Variants in IKZF2 observed in about 807,000 individuals in gnomAD.
IKZF2 encodes IKAROS family zinc finger 2.
Under a neutral mutation model 49.2 loss-of-function variants are expected in IKZF2, and 15 were observed. The observed-to-expected ratio is 0.30, with a 90% CI of 0.20 to 0.47. The LOEUF is 0.47. IKZF2 is among the 20% of genes least tolerant of loss of function. The probability of loss-of-function intolerance (pLI) is 1.00; values close to 1 mark genes in which losing one functional copy is unlikely to be tolerated. For missense variants in IKZF2, 567 were observed against 664.6 expected, an observed-to-expected ratio of 0.85 and a Z score of 1.61; for synonymous variants, 227 against 221.4, an observed-to-expected ratio of 1.03 and a Z score of -0.23.
chr2:213,061,953 A>G (rs2125418185), intron 4 of IKZF2, among the ~76,000 whole-genome samples: 1 of 151,616 alleles, frequency 6.6e-6, no homozygotes, highest in East Asian at 1.9e-4. Flanking sequence ...ACTACTTTTT[A>G]TGCTATAACT....
At chr2:213,036,043 T>A (rs535908579) in intron 6 of IKZF2, among the ~76,000 whole-genome samples, 1 of 152,252 alleles carries the variant, frequency 6.6e-6, no homozygotes, top group East Asian at 1.9e-4. Context: ...TAAAGTACTC[T>A]CACAAATATA....
chr2:213,149,016 T>C (rs2061177624), intron 2 of IKZF2, among the ~76,000 whole-genome samples: 1 of 152,178 alleles, frequency 6.6e-6, no homozygotes, highest in African/African-American at 2.4e-5. Flanking sequence ...CACACTGCAG[T>C]TTGAGGACTT....
At chr2:213,075,381 T>C (rs1427521114) in intron 4 of IKZF2, among the ~76,000 whole-genome samples, 2 of 152,120 alleles carry the variant, frequency 1.3e-5, no homozygotes, top group Non-Finnish European at 2.9e-5. Context: ...GTTTTTGCCA[T>C]AATATTTAAA....
At chr2:213,085,301 C>A (rs181275883) in intron 4 of IKZF2, among the ~76,000 whole-genome samples, 46 of 152,162 alleles carry the variant, frequency 3.0e-4, no homozygotes, top group African/African-American at 1.0e-3. Flanking sequence ...AACAAAAAGC[C>A]TTTTGGACAC....
At chr2:213,151,832 T>G (rs1277185572), upstream of IKZF2, among the ~76,000 whole-genome samples, 1 of 148,884 alleles carries the variant, frequency 6.7e-6, no homozygotes, top group Non-Finnish European at 1.5e-5. Flanking sequence ...CGAGCGCCTG[T>G]GCGTGTGTGT....
intron 6 of IKZF2, among the ~76,000 whole-genome samples, chr2:213,038,567 T>C (rs544215166): frequency 4.1e-4 from 61 of 149,614 alleles, no homozygotes; most frequent in African/African-American, 1.4e-3. Context: ...TATGTACTTT[T>C]TTTCTGGAAG....
intron 4 of IKZF2, among the ~76,000 whole-genome samples, chr2:213,137,866 T>C (rs185593535): frequency 6.6e-5 from 10 of 152,186 alleles, no homozygotes; most frequent in African/African-American, 2.2e-4. Flanking sequence ...CACAGCAACG[T>C]AGTACCCTAG....
chr2:213,040,441 C>T (rs1303613887), intron 6 of IKZF2, among the ~76,000 whole-genome samples: 1 of 151,926 alleles, frequency 6.6e-6, no homozygotes. Context: ...ATGTTTAACA[C>T]ACATATATGT....
intron 4 of IKZF2, among the ~76,000 whole-genome samples, chr2:213,095,531 C>T (rs1222147776): frequency 6.6e-6 from 1 of 151,948 alleles, no homozygotes; most frequent in Non-Finnish European, 1.5e-5. Context: ...TATCTAGACA[C>T]TGAAAAGAGT....
intron 6 of IKZF2, among the ~76,000 whole-genome samples, chr2:213,036,404 A>G (rs1402381734): frequency 6.6e-6 from 1 of 152,120 alleles, no homozygotes; most frequent in Non-Finnish European, 1.5e-5. Context: ...TATTAAATAT[A>G]CCCATAATTT....
At chr2:213,056,176 A>G (rs1356553939) in intron 5 of IKZF2, among the ~76,000 whole-genome samples, 3 of 152,186 alleles carry the variant, frequency 2.0e-5, no homozygotes, top group African/African-American at 7.2e-5. Flanking sequence ...GTTTAAAAAT[A>G]TAGTATGAAT....
intron 6 of IKZF2, among the ~76,000 whole-genome samples, chr2:213,049,244 A>G (rs1485848732): frequency 6.6e-6 from 1 of 152,030 alleles, no homozygotes; most frequent in Non-Finnish European, 1.5e-5. Flanking sequence ...CGAAAAGCCA[A>G]TTTTCTGAGT....
chr2:213,145,237 T>C (rs988648299), intron 4 of IKZF2, among the ~76,000 whole-genome samples: 1 of 151,844 alleles, frequency 6.6e-6, no homozygotes, highest in African/African-American at 2.4e-5. Flanking sequence ...TTTTTCCTCC[T>C]TACACATATA....
chr2:213,089,007 T>C (rs1205388104), intron 4 of IKZF2, among the ~76,000 whole-genome samples: 2 of 152,192 alleles, frequency 1.3e-5, no homozygotes, highest in African/African-American at 4.8e-5. Context: ...ATTGCACTAC[T>C]CTGCAGGAGC....
chr2:213,007,824 C>G lies in IKZF2; in HGVS notation c.1117G>C (p.Ala373Pro). Residue 373 changes from alanine to proline, a missense_variant, in exon 9 of 9, where the codon GCT (alanine) becomes CCT (proline). By Grantham distance (27) the Ala-to-Pro change is conservative (BLOSUM62 -1). Transcript: ENST00000434687. Reference sequence around the variant, plus strand: ...TCCATGTTGTTTTCATGACTATCAGCAGTTTCCCTGCTAATGGGTCTTTCT... The same window carrying G: ...TCCATGTTGTTTTCATGACTATCAGGAGTTTCCCTGCTAATGGGTCTTTCT... Reference protein sequence around the residue: ...RIERPISRETADSHENNMDGP... With the variant: ...RIERPISRETPDSHENNMDGP... The G allele has an allele frequency of 2.5e-6, 4 of 1,613,556 alleles. No individual in the cohort carries two copies. The highest frequency in any genetic ancestry group is 1.7e-6 in the Non-Finnish European group (2 of 1,179,736).
At chr2:213,069,790 A>AAACAC (rs1255939086) in intron 4 of IKZF2, among the ~76,000 whole-genome samples, 8 of 152,126 alleles carry the variant, frequency 5.3e-5, no homozygotes, top group Non-Finnish European at 1.0e-4. Context: ...AACCTAAATG[A>AAACAC]AACACAAAAG....
chr2:213,010,834 G>T (rs925823435), intron 8 of IKZF2, among the ~76,000 whole-genome samples: 17 of 152,102 alleles, frequency 1.1e-4, no homozygotes, highest in African/African-American at 4.1e-4. Flanking sequence ...AGTCAAGTTG[G>T]AAGGGTAGAA....
rs112293303 is a variant in IKZF2, at chr2:213,001,014, C to T, written c.*6346G>A. 1.3e-5 allele frequency: 2 copies of T among 151,524 alleles called. No homozygotes were observed. Among genetic ancestry groups the T allele is most frequent in the Non-Finnish European group, 3.0e-5 (2 of 67,498 alleles). 9.4% of individuals were successfully genotyped at this position (151,524 alleles called of 1,614,324 possible). On this transcript the variant is annotated 3_prime_UTR_variant, in exon 9 of 9. Coordinates refer to ENST00000434687, the MANE Select transcript of IKZF2 (RefSeq NM_001387220.1). ...TTTGCTTGTTGTGTCCTTTAACATA[C>T]TATGACTTTTATGAGTTTCTTTTTG...
chr2:213,121,418 A>C (rs1176526268), intron 4 of IKZF2, among the ~76,000 whole-genome samples: 1 of 152,188 alleles, frequency 6.6e-6, no homozygotes, highest in East Asian at 1.9e-4. Flanking sequence ...TCTTAGGCAA[A>C]TCAGTACTTG....
Sources: allele counts gnomAD v4.1 joint callset (sites outside exome capture counted in the v4.1 genomes callset), GRCh38; gene constraint gnomAD v4.1.1; transcripts MANE v1.5; gene names NCBI Gene and HGNC (gene_info 2026-07-23, HGNC 2026-07-21).